The following AK7 variants were observed in gnomAD, a reference collection of about 807,000 sequenced individuals.
The protein encoded by AK7 is ATP-AMP transphosphorylase 7.
Under a neutral mutation model 96.6 loss-of-function variants are expected in AK7, and 78 were observed. That is an observed-to-expected ratio of 0.81 (90% CI 0.67 to 0.97). AK7 has a LOEUF of 0.97. Among genes scored for constraint, AK7 ranks in the 50% least tolerant of loss-of-function variants. AK7 has a pLI of 0.00. For synonymous variants in AK7, 302 were observed against 317.2 expected (o/e 0.95, Z 0.51); for missense variants, 855 against 887.9 (o/e 0.96, Z 0.47).
At position 96,479,594 on chromosome 14, in the gene AK7, G is replaced by A. The variant is rs573820899; in HGVS notation, c.1753+932G>A. On this transcript the variant is annotated intron_variant, in intron 15 of 17. Coordinates refer to ENST00000267584, the MANE Select transcript of AK7 (RefSeq NM_152327.5). ...TTCACTGCGTTCCTTCTTGTTTCCT[G>A]TAAACACAGCTCTGAGCTTAGCACA... Among the ~76,000 whole-genome samples, 6 of 152,114 alleles carry A rather than the reference G, an allele frequency of 3.9e-5. No individual in the cohort carries two copies. The South Asian group carries it at 1.2e-3, about 32-fold the overall frequency.
intron 4 of AK7, among the ~76,000 whole-genome samples, chr14:96,419,784 C>CTTTCT (rs1891563684): frequency 9.4e-4 from 96 of 101,682 alleles, no homozygotes; most frequent in African/African-American, 3.9e-3. Context: ...TTTTTTCTTT[C>CTTTCT]TTTTCTTTTT....
intron 12 of AK7, 76 bp downstream of exon 12, chr14:96,458,288 T>C: frequency 6.5e-7 from 1 of 1,537,520 alleles, no homozygotes; most frequent in Non-Finnish European, 8.8e-7. Flanking sequence ...TATAAAAGAC[T>C]GTTTAAAAAA....
chr14:96,441,571 A>G (rs145823796), intron 6 of AK7, among the ~76,000 whole-genome samples: 2,459 of 145,678 alleles, frequency 0.017, 71 homozygotes, highest in African/African-American at 0.06. Flanking sequence ...CCTGGGAGGC[A>G]GAGGTTGCAG....
chr14:96,483,460 C>T (rs577146164), intron 16 of AK7, among the ~76,000 whole-genome samples: 84 of 150,468 alleles, frequency 5.6e-4, no homozygotes, highest in Non-Finnish European at 1.1e-3. Context: ...CTGGCTCTGT[C>T]GCCCAGGCTG....
At chr14:96,406,821 A>G (rs1398580118) in intron 3 of AK7, among the ~76,000 whole-genome samples, 1 of 152,082 alleles carries the variant, frequency 6.6e-6, no homozygotes, top group Non-Finnish European at 1.5e-5. Flanking sequence ...AGTAGCTAGA[A>G]TTACAGGTGT....
intron 5 of AK7, among the ~76,000 whole-genome samples, chr14:96,434,821 C>A (rs1436876577): frequency 6.6e-6 from 1 of 152,166 alleles, no homozygotes; most frequent in Non-Finnish European, 1.5e-5. Flanking sequence ...TAGTCCTTCC[C>A]AGTCTTCCCT....
At position 96,449,941 on chromosome 14, in the gene AK7, AT is replaced by A. The variant is rs952067834; in HGVS notation, c.948+69del. 8.8e-6 allele frequency: 11 copies of A among 1,250,802 alleles called. No homozygotes were observed. The Admixed American group carries it at 2.1e-4, about 24-fold the overall frequency. The allele number at this position is 1,250,802 out of a possible 1,614,324, so 77.5% of individuals were successfully genotyped here. A position where few individuals can be genotyped will look rare whatever the true frequency, so the allele number is the denominator to read the frequency against. On this transcript the variant is annotated intron_variant, in intron 9 of 17. Coordinates refer to ENST00000267584, the MANE Select transcript of AK7 (RefSeq NM_152327.5). ...TTTCTCAATAATATGGAGTATTGTT[AT>A]TTTTTTAATATCAGATAGGTTTTGG...
chr14:96,418,520 TTTTG>T (rs1258449026), intron 4 of AK7, among the ~76,000 whole-genome samples: 2 of 151,228 alleles, frequency 1.3e-5, no homozygotes, highest in African/African-American at 2.4e-5. Flanking sequence ...TTGTTTTTGT[TTTTG>T]TTTTTGTTTT....
chr14:96,433,836 G>A (rs1892491827), intron 5 of AK7, among the ~76,000 whole-genome samples: 1 of 152,036 alleles, frequency 6.6e-6, no homozygotes, highest in Admixed American at 6.6e-5. Context: ...TGTTATTAAA[G>A]GACTCTGATT....
intron 4 of AK7, among the ~76,000 whole-genome samples, chr14:96,410,812 G>A (rs190927040): frequency 4.6e-5 from 7 of 152,240 alleles, no homozygotes; most frequent in East Asian, 3.9e-4. Context: ...AGACCAGCCC[G>A]GGTAACAGGG....
At chr14:96,443,531 A>G (rs1893067650) in intron 7 of AK7, among the ~76,000 whole-genome samples, 1 of 152,180 alleles carries the variant, frequency 6.6e-6, no homozygotes, top group African/African-American at 2.4e-5. Context: ...AATCTCAGAT[A>G]AATTTCTAGA....
chr14:96,415,807 T>TTTAATACATTAATTAATTAAATTAAA (rs1566768674), intron 4 of AK7, among the ~76,000 whole-genome samples: 8 of 148,876 alleles, frequency 5.4e-5, no homozygotes, highest in East Asian at 1.9e-4. Flanking sequence ...ATTAAATTAA[T>TTTAATACATTAATTAATTAAATTAAA]TTAATACATT....
At chr14:96,477,043 T>G (rs1284318072) in intron 14 of AK7, among the ~76,000 whole-genome samples, 1 of 152,238 alleles carries the variant, frequency 6.6e-6, no homozygotes, top group Non-Finnish European at 1.5e-5. Context: ...CATTTGAGGC[T>G]TCATATGTCT....
intron 6 of AK7, among the ~76,000 whole-genome samples, chr14:96,438,746 C>A (rs1329616500): frequency 6.6e-6 from 1 of 152,182 alleles, no homozygotes; most frequent in African/African-American, 2.4e-5. Flanking sequence ...GGACAGCTTT[C>A]TCCTTCTGCT....
At chr14:96,476,976 A>G (rs1472114844) in intron 14 of AK7, among the ~76,000 whole-genome samples, 1 of 152,240 alleles carries the variant, frequency 6.6e-6, no homozygotes, top group Admixed American at 6.5e-5. Context: ...TAGAGCTTAA[A>G]TGGATTCAAT....
intron 7 of AK7, among the ~76,000 whole-genome samples, chr14:96,445,859 C>A (rs1893204184): frequency 6.6e-6 from 1 of 152,060 alleles, no homozygotes; most frequent in African/African-American, 2.4e-5. Context: ...AATTTTTGTT[C>A]CAATCCCTGC....
At position 96,399,987 on chromosome 14, in the gene AK7, C is replaced by T. The variant is rs1257230256; in HGVS notation, c.294+1724C>T. ...TGTCCTGCAGGCATTGCTGAATCAA[C>T]ATATCCAAAATCATATTTATTAGAC... On this transcript the variant is annotated intron_variant, in intron 2 of 17. Transcript: ENST00000267584. This position sits in a 1 kb window ranked among gnomAD's most constrained non-coding sequence, Gnocchi z 4.1. Among the ~76,000 whole-genome samples, 1 of 147,854 alleles carries T rather than the reference C, an allele frequency of 6.8e-6. No homozygotes were observed. The highest frequency in any genetic ancestry group is 1.5e-5 in the Non-Finnish European group (1 of 66,788).
At chr14:96,460,790 G>A (rs1293881047) in intron 12 of AK7, among the ~76,000 whole-genome samples, 2 of 152,184 alleles carry the variant, frequency 1.3e-5, no homozygotes, top group Non-Finnish European at 2.9e-5. Context: ...AGCTTAAGGA[G>A]GGTTCACTCT....
chr14:96,397,937 G>A, intron 1 of AK7, 138 bp from the exon 2 acceptor site: 2 of 774,502 alleles, frequency 2.6e-6, no homozygotes, highest in Admixed American at 2.5e-5. Flanking sequence ...TAAATGAGAT[G>A]ACAGTGTGCA....
Sources: gnomAD v4.1 joint callset for allele counts (sites outside exome capture counted in the v4.1 genomes callset) on GRCh38, gnomAD v4.1.1 for gene constraint, Gnocchi (gnomAD v3.1) non-coding constraint, MANE v1.5 for transcripts, NCBI Gene and HGNC (gene_info 2026-07-23, HGNC 2026-07-21) for gene names.